Variants in PAMR1 observed in about 807,000 individuals in gnomAD.
PAMR1 encodes the protein peptidase domain containing associated with muscle regeneration 1, also known as inactive serine protease PAMR1.
In PAMR1, 88 loss-of-function variants were observed where a neutral mutation model predicts 81.8. The observed-to-expected ratio is 1.08, with a 90% CI of 0.91 to 1.28. The LOEUF (loss-of-function observed/expected upper bound fraction) is 1.28. Among genes scored for constraint, PAMR1 ranks in the 50% most tolerant of loss-of-function variants. PAMR1 has a pLI of 0.00. For synonymous variants in PAMR1, 336 were observed against 345.3 expected (o/e 0.97, Z 0.30); for missense variants, 935 against 919.7 (o/e 1.02, Z -0.21).
chr11:35,489,377 G>C (rs1016708430), intron 3 of PAMR1, among the ~76,000 whole-genome samples: 3 of 152,140 alleles, frequency 2.0e-5, no homozygotes, highest in Admixed American at 6.5e-5. Flanking sequence ...CCATTCTTCA[G>C]TGAGTCTTGA....
chr11:35,433,035 A>T (rs1211378612), intron 10 of PAMR1, 143 bp from the exon 11 acceptor site: 6 of 726,078 alleles, frequency 8.3e-6, no homozygotes, highest in Non-Finnish European at 1.3e-5. Context: ...TCAAGAAATC[A>T]TGGAAAACAA....
At chr11:35,516,477 A>G (rs987120822) in intron 1 of PAMR1, among the ~76,000 whole-genome samples, 1 of 152,228 alleles carries the variant, frequency 6.6e-6, no homozygotes, top group Non-Finnish European at 1.5e-5. Context: ...TTAAAGGAGC[A>G]GCTGATTTCA....
chr11:35,499,918 C>T (rs889929896), intron 1 of PAMR1, among the ~76,000 whole-genome samples: 2 of 152,078 alleles, frequency 1.3e-5, no homozygotes, highest in African/African-American at 4.8e-5. Context: ...TCACAAGGCC[C>T]CCCGTAAGAG....
intron 1 of PAMR1, among the ~76,000 whole-genome samples, chr11:35,503,320 T>A (rs1033277136): frequency 2.0e-5 from 3 of 151,928 alleles, no homozygotes; most frequent in Non-Finnish European, 4.4e-5. Context: ...TTGTTTTGAC[T>A]ATTCAGAATC....
chr11:35,485,162 A>T (rs1003136463), intron 3 of PAMR1, among the ~76,000 whole-genome samples: 1 of 152,214 alleles, frequency 6.6e-6, no homozygotes, highest in Non-Finnish European at 1.5e-5. Flanking sequence ...GTAAGTGCTC[A>T]AGGAGAAATG....
At chr11:35,456,785 G>A (rs1795596337) in intron 6 of PAMR1, among the ~76,000 whole-genome samples, 1 of 152,116 alleles carries the variant, frequency 6.6e-6, no homozygotes, top group South Asian at 2.1e-4. Context: ...AGTATTGTTG[G>A]CTCTCTCCAC....
In PAMR1 at chr11:35,441,650, A is replaced by G. The variant is rs1216533016; in HGVS notation, c.864T>C (p.Asn288=). The change falls in exon 7 of 11, where the codon AAT becomes AAC. Residue 288 remains asparagine, a synonymous_variant. Transcript: ENST00000619888. ...RNCSDPGGPV[N]GYQKITGGPG... is the part of the protein sequence containing the mutation. ...GGCCCCCTGTTATTTTCTGGTACCC[A>G]TTGACTGGGCCCCCAGGGTCTGAGC... 4 of 1,613,920 alleles carry G rather than the reference A, an allele frequency of 2.5e-6. No homozygotes were observed. The highest frequency in any genetic ancestry group is 3.4e-6 in the Non-Finnish European group (4 of 1,179,812).
intron 3 of PAMR1, among the ~76,000 whole-genome samples, chr11:35,480,445 G>A (rs1363124091): frequency 1.3e-5 from 2 of 152,176 alleles, no homozygotes; most frequent in Non-Finnish European, 2.9e-5. Context: ...AATACTTTCA[G>A]TCTCTTTTCC....
intron 3 of PAMR1, among the ~76,000 whole-genome samples, chr11:35,489,761 G>A (rs1420627412): frequency 1.3e-5 from 2 of 152,170 alleles, no homozygotes; most frequent in Non-Finnish European, 2.9e-5. Flanking sequence ...GAAGAGCAAA[G>A]GCATAGCTCA....
At chr11:35,485,935 G>A (rs377185757) in intron 3 of PAMR1, among the ~76,000 whole-genome samples, 211 of 152,360 alleles carry the variant, frequency 1.4e-3, no homozygotes, top group African/African-American at 4.8e-3. Flanking sequence ...CTGTGTCCCA[G>A]CCATATGTAG....
At chr11:35,488,442 A>G (rs929801575) in intron 3 of PAMR1, among the ~76,000 whole-genome samples, 2 of 151,536 alleles carry the variant, frequency 1.3e-5, no homozygotes, top group Non-Finnish European at 2.9e-5. Context: ...TCTGGCCTTG[A>G]ACTCTTGTCC....
At chr11:35,475,170 C>T (rs1008127671) in intron 3 of PAMR1, among the ~76,000 whole-genome samples, 1 of 152,106 alleles carries the variant, frequency 6.6e-6, no homozygotes, top group Non-Finnish European at 1.5e-5. Flanking sequence ...GAAAGTAGAC[C>T]CTCCCCACAG....
chr11:35,516,161 G>A (rs1318854130), intron 1 of PAMR1, among the ~76,000 whole-genome samples: 1 of 152,168 alleles, frequency 6.6e-6, no homozygotes, highest in Admixed American at 6.5e-5. Flanking sequence ...CAGATTGGAA[G>A]GTGATAGGGC....
intron 3 of PAMR1, among the ~76,000 whole-genome samples, chr11:35,483,892 C>T (rs1008909539): frequency 2.0e-5 from 3 of 152,250 alleles, no homozygotes; most frequent in Admixed American, 1.3e-4. Context: ...ATATAAAATA[C>T]TATTTGCCAT....
chr11:35,443,648 G>C (rs1590321246), intron 6 of PAMR1, among the ~76,000 whole-genome samples: 1 of 152,186 alleles, frequency 6.6e-6, no homozygotes, highest in Non-Finnish European at 1.5e-5. Flanking sequence ...CTTTGCTATT[G>C]TGACCAGTGA....
At chr11:35,519,866 T>A (rs1851239054) in intron 1 of PAMR1, among the ~76,000 whole-genome samples, 1 of 152,158 alleles carries the variant, frequency 6.6e-6, no homozygotes, top group African/African-American at 2.4e-5. Context: ...GTGGTGGTGG[T>A]GTGTCACATT....
chr11:35,438,073 C>T (rs926457594), intron 8 of PAMR1, among the ~76,000 whole-genome samples: 3 of 152,094 alleles, frequency 2.0e-5, no homozygotes, highest in South Asian at 2.1e-4. Context: ...AATCACTGTC[C>T]GATGAATTAT....
At chr11:35,504,833 C>T (rs1850366) in intron 1 of PAMR1, among the ~76,000 whole-genome samples, 44,811 of 151,044 alleles carry the variant, frequency 0.3, 6,644 homozygotes, top group East Asian at 0.35. Context: ...TTTCATTGCT[C>T]TTCTTAATTT....
At position 35,470,729 on chromosome 11, in the gene PAMR1, A is replaced by C; in HGVS notation, c.584T>G (p.Ile195Ser). The change falls in exon 5 of 11, where the codon ATC becomes AGC. Residue 195 changes from isoleucine to serine, a missense_variant. Transcript: ENST00000619888. Reference protein sequence around the residue: ...RDGDNRDGQIIKRVCGNERPA... With the variant: ...RDGDNRDGQISKRVCGNERPA... The stretch of plus-strand genomic sequence containing the variant: ...CCGCTCGTTGCCACAGACACGCTTG[A>C]TGATCTGGCCATCGCGGTTGTCTCC... 1.9e-6 allele frequency: 3 copies of C among 1,614,160 alleles called. No individual in the cohort carries two copies. Among genetic ancestry groups the C allele is most frequent in the South Asian group, 2.2e-5 (2 of 91,082 alleles).
Sources: gnomAD v4.1 joint callset for allele counts (sites outside exome capture counted in the v4.1 genomes callset) on GRCh38, gnomAD v4.1.1 for gene constraint, MANE v1.5 for transcripts, NCBI Gene and HGNC (gene_info 2026-07-23, HGNC 2026-07-21) for gene names.